ERFE: variants seen among roughly 807,000 people sequenced by gnomAD.
The protein encoded by ERFE is complement C1q tumor necrosis factor-related protein 15.
A neutral mutation model predicts 26.6 loss-of-function variants in ERFE; 25 were observed. The observed-to-expected ratio is 0.94, with a 90% CI of 0.69 to 1.31. ERFE has a LOEUF of 1.31. ERFE is among the 40% of genes most tolerant of loss of function. The pLI is 0.00. For missense variants in ERFE, 447 were observed against 440.2 expected (o/e 1.02, Z -0.14); for synonymous variants, 206 against 204.5 (o/e 1.01, Z -0.06).
At chr2:238,161,213 G>A (rs1692932921) in intron 1 of ERFE, among the ~76,000 whole-genome samples, 1 of 152,194 alleles carries the variant, frequency 6.6e-6, no homozygotes, top group South Asian at 2.1e-4. Context: ...TGCTCCAGTG[G>A]TCGGATCCTC....
Sources: gnomAD v4.1 joint callset for allele counts (sites outside exome capture counted in the v4.1 genomes callset) on GRCh38, gnomAD v4.1.1 for gene constraint, MANE v1.5 for transcripts, NCBI Gene and HGNC (gene_info 2026-07-23, HGNC 2026-07-21) for gene names.